PCDH9: variants seen among roughly 807,000 people sequenced by gnomAD.
The protein encoded by PCDH9 is protocadherin-9.
PCDH9 carries 24 observed loss-of-function variants against 70.6 expected under a neutral mutation model. That is an observed-to-expected ratio of 0.34 (90% CI 0.25 to 0.48). PCDH9 has a LOEUF of 0.48. Among genes scored for constraint, PCDH9 ranks in the 20% least tolerant of loss-of-function variants. The pLI is 0.99. For synonymous variants in PCDH9, 562 were observed against 558.5 expected (o/e 1.01, Z -0.09); for missense variants, 1,281 against 1,503.6 (o/e 0.85, Z 2.45).
At chr13:66,604,437 T>C (rs545577967) in intron 4 of PCDH9, among the ~76,000 whole-genome samples, 5 of 152,110 alleles carry the variant, frequency 3.3e-5, no homozygotes, top group African/African-American at 4.8e-5. Context: ...TAATTACTTT[T>C]ATTCAAACTA....
intron 3 of PCDH9, among the ~76,000 whole-genome samples, chr13:66,676,447 T>C (rs1285435607): frequency 1.3e-5 from 2 of 152,050 alleles, no homozygotes; most frequent in Non-Finnish European, 2.9e-5. Context: ...TGCAAAGATA[T>C]GAGGAAAAAT....
intron 2 of PCDH9, among the ~76,000 whole-genome samples, chr13:67,041,061 A>G (rs1402793091): frequency 6.6e-6 from 1 of 152,092 alleles, no homozygotes; most frequent in Non-Finnish European, 1.5e-5. Context: ...AGTCAAGAAC[A>G]TTAAAAAAAA....
chr13:66,575,857 C>G (rs2076807246), intron 4 of PCDH9, among the ~76,000 whole-genome samples: 2 of 151,942 alleles, frequency 1.3e-5, no homozygotes. Context: ...CAGACAAGCC[C>G]TATGAGATAA....
intron 2 of PCDH9, among the ~76,000 whole-genome samples, chr13:66,933,797 A>G (rs994646287): frequency 1.3e-5 from 2 of 151,904 alleles, no homozygotes; most frequent in African/African-American, 4.8e-5. Flanking sequence ...ATTTGTATTA[A>G]TATGCCTCAG....
intron 2 of PCDH9, among the ~76,000 whole-genome samples, chr13:67,101,129 C>T (rs1311412884): frequency 2.6e-5 from 4 of 152,174 alleles, no homozygotes; most frequent in Admixed American, 2.6e-4. Context: ...CTGCCACTGC[C>T]ATCAGCAATG....
Position 66,445,825 on chromosome 13 carries a change from TAC to T in PCDH9, c.3341-140799_3341-140798del, listed in dbSNP as rs5804282. ...CACATATATTATATATACACATATA[TAC>T]ACACACACACACAAGCATACACATA... On this transcript the variant is annotated intron_variant, in intron 4 of 4. Coordinates refer to ENST00000377865, the MANE Select transcript of PCDH9 (RefSeq NM_203487.3). Among the ~76,000 whole-genome samples the T allele has an allele frequency of 8.2e-3, 1,122 of 136,604 alleles. 16 individuals carry two copies. The highest frequency in any genetic ancestry group is 0.028 in the African/African-American group (1,026 of 36,508). The allele number at this position is 136,604 out of a possible 152,430, so 89.6% of individuals were successfully genotyped here. A position where few individuals can be genotyped will look rare whatever the true frequency, so the allele number is the denominator to read the frequency against.
In PCDH9 at chr13:66,950,110, T is replaced by G. The variant is rs1274334708; in HGVS notation, c.3037-46505A>C. Reference sequence around the variant, plus strand: ...CAAATGATTTATATAAATATTAAATTAAGTGATATATAGTAATAACAAAGA... The same window carrying G: ...CAAATGATTTATATAAATATTAAATGAAGTGATATATAGTAATAACAAAGA... On this transcript the variant is annotated intron_variant, in intron 2 of 4. Transcript: ENST00000377865. 1.3e-5 allele frequency among the ~76,000 whole-genome samples: 2 copies of G among 152,084 alleles called. 1 individual carries two copies. The highest frequency in any genetic ancestry group is 2.9e-5 in the Non-Finnish European group (2 of 67,994).
chr13:66,372,183 A>AC (rs547343868), intron 4 of PCDH9, among the ~76,000 whole-genome samples: 133 of 152,142 alleles, frequency 8.7e-4, no homozygotes, highest in African/African-American at 3.0e-3. Context: ...TGTAGTTTGG[A>AC]AACTAAATCT....
At chr13:66,690,930 T>A (rs146237834) in intron 3 of PCDH9, among the ~76,000 whole-genome samples, 72 of 152,346 alleles carry the variant, frequency 4.7e-4, no homozygotes, top group East Asian at 3.9e-3. Flanking sequence ...AGCGTAAGCC[T>A]GAGACATATT....
chr13:66,416,755 G>T (rs1459355633), intron 4 of PCDH9, among the ~76,000 whole-genome samples: 1 of 152,048 alleles, frequency 6.6e-6, no homozygotes, highest in East Asian at 1.9e-4. Flanking sequence ...CAACAAAATT[G>T]GTAGTCTGGC....
intron 3 of PCDH9, among the ~76,000 whole-genome samples, chr13:66,753,447 A>G (rs544218353): frequency 8.5e-5 from 13 of 152,336 alleles, no homozygotes; most frequent in Admixed American, 4.6e-4. Context: ...AAACATCACT[A>G]TGGACCCCAT....
chr13:66,337,637 C>T (rs1956059779), intron 4 of PCDH9, among the ~76,000 whole-genome samples: 1 of 137,626 alleles, frequency 7.3e-6, no homozygotes, highest in Admixed American at 7.2e-5. Flanking sequence ...ATACAGACTC[C>T]TTGGCTATTA....
At chr13:66,842,737 GT>G (rs2081137430) in intron 3 of PCDH9, among the ~76,000 whole-genome samples, 2 of 152,136 alleles carry the variant, frequency 1.3e-5, no homozygotes, top group South Asian at 4.1e-4. Context: ...ATCATCTCCT[GT>G]TTTGGGTAAT....
At position 66,906,981 on chromosome 13, in the gene PCDH9, G is replaced by A. The variant is rs558843818; in HGVS notation, c.3037-3376C>T. On this transcript the variant is annotated intron_variant, in intron 2 of 4. Coordinates refer to ENST00000377865, the MANE Select transcript of PCDH9 (RefSeq NM_203487.3). ...AGCACTTTGGGAGGCCGAGGTGGGC[G>A]GATCACCTGTGGTCAGGAGTTTGAG... Among the ~76,000 whole-genome samples the A allele has an allele frequency of 5.3e-5, 8 of 152,106 alleles. No individual in the cohort carries two copies. The East Asian group carries it at 1.4e-3, about 26-fold the overall frequency.
chr13:67,220,926 A>G (rs999209185), intron 2 of PCDH9: 3 of 152,094 alleles, frequency 2.0e-5, no homozygotes, highest in African/African-American at 7.2e-5. Context: ...ACCCAAATGG[A>G]AAGATAGCCA....
At chr13:66,670,198 T>C (rs930452543) in intron 3 of PCDH9, among the ~76,000 whole-genome samples, 2 of 152,208 alleles carry the variant, frequency 1.3e-5, no homozygotes, top group East Asian at 3.8e-4. Context: ...AATGTCTCTG[T>C]CTTGTTTTGC....
intron 3 of PCDH9, among the ~76,000 whole-genome samples, chr13:66,667,440 TTC>T (rs1247224892): frequency 6.6e-6 from 1 of 152,224 alleles, no homozygotes; most frequent in Non-Finnish European, 1.5e-5. Flanking sequence ...CTTATTTTTT[TTC>T]TCTCAGTGCC....
chr13:66,373,534 AAAAGG>A (rs1956696038), intron 4 of PCDH9, among the ~76,000 whole-genome samples: 1 of 152,024 alleles, frequency 6.6e-6, no homozygotes, highest in South Asian at 2.1e-4. Flanking sequence ...ATTAAAAAAG[AAAAGG>A]AAAGAAAAAA....
chr13:66,353,464 C>T lies in PCDH9; in HGVS notation c.3341-48436G>A, dbSNP rs141934204. On this transcript the variant is annotated intron_variant, in intron 4 of 4. Coordinates refer to ENST00000377865, the MANE Select transcript of PCDH9 (RefSeq NM_203487.3). ...TAAAACAGGATAAGGTTACTGTTAA[C>T]GTTGTGTTTAAGCATCACTTTTCAT... is the stretch of plus-strand genomic sequence containing the variant. 8.3e-4 allele frequency among the ~76,000 whole-genome samples: 126 copies of T among 152,196 alleles called. 4 individuals are homozygous for T. The South Asian group carries it at 0.025, about 30-fold the overall frequency.
Sources: allele counts gnomAD v4.1 joint callset (sites outside exome capture counted in the v4.1 genomes callset), GRCh38; gene constraint gnomAD v4.1.1; transcripts MANE v1.5; gene names NCBI Gene and HGNC (gene_info 2026-07-23, HGNC 2026-07-21).